The following CLASP2 variants were observed in gnomAD, a reference collection of about 807,000 sequenced individuals.
The protein encoded by CLASP2 is cytoplasmic linker associated protein 2, also known as CLIP-associating protein 2.
CLASP2 carries 47 observed loss-of-function variants against 194.4 expected under a neutral mutation model. The observed-to-expected ratio is 0.24, with a 90% confidence interval of 0.19 to 0.31. The LOEUF (loss-of-function observed/expected upper bound fraction) is 0.31, where lower values mean the gene tolerates loss of function less well. Among genes scored for constraint, CLASP2 ranks in the 10% least tolerant of loss-of-function variants. The probability of loss-of-function intolerance (pLI) is 1.00; values close to 1 mark genes in which losing one functional copy is unlikely to be tolerated. For missense variants in CLASP2, 1,445 were observed against 1,823.6 expected (o/e 0.79, Z 3.78); for synonymous variants, 619 against 633.5 (o/e 0.98, Z 0.34).
At chr3:33,556,308 A>AT (rs1407220555) in intron 29 of CLASP2, among the ~76,000 whole-genome samples, 1 of 152,108 alleles carries the variant, frequency 6.6e-6, no homozygotes, top group Non-Finnish European at 1.5e-5. Context: ...AATCTGTTAA[A>AT]TTTTTTATAC....
rs1161980330 is a variant in CLASP2, at chr3:33,696,890, C to G, written c.239G>C (p.Arg80Thr). Reference sequence around the variant, plus strand: ...ATAGGATTTAAAGCGTGTTGATAATCTGTCCACAAAGGCACTTAAAATTTC... The same window carrying G: ...ATAGGATTTAAAGCGTGTTGATAATGTGTCCACAAAGGCACTTAAAATTTC... ...GLEILSAFVD[R>T]LSTRFKSYVA... Residue 80 changes from arginine (R) to threonine (T), a missense_variant, in exon 2 of 39, where the codon AGA becomes ACA. By Grantham distance (71) the Arg-to-Thr change is moderately conservative (BLOSUM62 -1). Transcript: ENST00000682230. 2 of 1,597,090 alleles carry G rather than the reference C, an allele frequency of 1.3e-6. No individual in the cohort carries two copies. Among genetic ancestry groups the G allele is most frequent in the African/African-American group, 2.7e-5 (2 of 74,622 alleles).
intron 1 of CLASP2, among the ~76,000 whole-genome samples, chr3:33,707,846 TGAGGGGGAAA>T (rs1559700055): frequency 6.6e-6 from 1 of 152,172 alleles, no homozygotes; most frequent in East Asian, 1.9e-4. Flanking sequence ...AAATAGAGAC[TGAGGGGGAAA>T]CATTAAAAGA....
At chr3:33,717,420 T>C (rs2093348012) in intron 1 of CLASP2, among the ~76,000 whole-genome samples, 1 of 151,870 alleles carries the variant, frequency 6.6e-6, no homozygotes, top group Non-Finnish European at 1.5e-5. Flanking sequence ...GTTTCCCCTA[T>C]TTTTATTTAT....
At chr3:33,613,414 G>A (rs1225668738) in intron 12 of CLASP2, among the ~76,000 whole-genome samples, 1 of 152,182 alleles carries the variant, frequency 6.6e-6, no homozygotes, top group Admixed American at 6.5e-5. Context: ...CCTTGGGAAA[G>A]GCAGCTCTCT....
chr3:33,531,144 A>C (rs2056200115), intron 34 of CLASP2, among the ~76,000 whole-genome samples: 1 of 152,198 alleles, frequency 6.6e-6, no homozygotes, highest in African/African-American at 2.4e-5. Context: ...ATAGAACAAG[A>C]ATAGAATATA....
intron 6 of CLASP2, among the ~76,000 whole-genome samples, chr3:33,674,963 A>G (rs2088219456): frequency 6.6e-6 from 1 of 152,148 alleles, no homozygotes; most frequent in Admixed American, 6.5e-5. Context: ...CCAACCAAAA[A>G]GGGTCCAGGA....
chr3:33,581,050 A>T (rs2066008969), intron 23 of CLASP2, among the ~76,000 whole-genome samples: 1 of 151,458 alleles, frequency 6.6e-6, no homozygotes, highest in South Asian at 2.1e-4. Context: ...GAAAAAAAAG[A>T]AAAAGAAGAA....
chr3:33,579,857 C>A (rs967653488), intron 23 of CLASP2, among the ~76,000 whole-genome samples: 3 of 152,106 alleles, frequency 2.0e-5, no homozygotes, highest in African/African-American at 7.2e-5. Flanking sequence ...ACCACACACC[C>A]AACTCCACTT....
intron 3 of CLASP2, 126 bp downstream of exon 3, chr3:33,689,703 T>C: frequency 1.7e-6 from 1 of 575,406 alleles, no homozygotes; most frequent in South Asian, 3.3e-5. Context: ...GTATCTTAAA[T>C]ATCAACTTCT....
chr3:33,598,610 A>G (rs1282589787), intron 18 of CLASP2, among the ~76,000 whole-genome samples: 4 of 152,120 alleles, frequency 2.6e-5, no homozygotes, highest in African/African-American at 9.7e-5. Context: ...AACTTCTCCA[A>G]TCTTATAAGA....
intron 37 of CLASP2, chr3:33,504,491 T>G (rs563740737): frequency 4.1e-4 from 62 of 152,302 alleles, no homozygotes; most frequent in African/African-American, 1.5e-3. Context: ...GCAGATTGAC[T>G]CTGAGCTGCG....
rs995092245 is a variant in CLASP2 at position 33,559,396 on chromosome 3, A to C, written c.2931-11T>G. 5 of 1,540,208 alleles carry C rather than the reference A, an allele frequency of 3.2e-6. No homozygotes were observed. The highest frequency in any genetic ancestry group is 3.5e-6 in the Non-Finnish European group (4 of 1,129,984). Reference sequence around the variant, plus strand: ...TTTGGAAAAGACTCTCTGAAACAAGAACAAAGCAAAACGAAACAAAAATTT... The same window carrying C: ...TTTGGAAAAGACTCTCTGAAACAAGCACAAAGCAAAACGAAACAAAAATTT... On this transcript the variant is annotated splice_polypyrimidine_tract_variant and intron_variant, in intron 28 of 38. Coordinates refer to ENST00000682230, the MANE Select transcript of CLASP2 (RefSeq NM_001365631.1).
chr3:33,672,886 T>G (rs1421892974), intron 6 of CLASP2, among the ~76,000 whole-genome samples: 2 of 151,950 alleles, frequency 1.3e-5, no homozygotes, highest in Non-Finnish European at 2.9e-5. Context: ...AAGGGAAGTT[T>G]AGAGAAAAAA....
At chr3:33,694,846 T>TGGGAGGA (rs1209360479) in intron 2 of CLASP2, among the ~76,000 whole-genome samples, 1 of 151,768 alleles carries the variant, frequency 6.6e-6, no homozygotes. Flanking sequence ...GAGGCTGAGG[T>TGGGAGGA]GGGAGGATCA....
chr3:33,709,697 T>G lies in CLASP2; in HGVS notation c.195+8111A>C, dbSNP rs576431842. ...TGCTGACACCTTGATTTTATCCCAATGAAACCCATTTTAGATTTTTGACCT... is the reference window on the plus strand; with the variant it reads ...TGCTGACACCTTGATTTTATCCCAAGGAAACCCATTTTAGATTTTTGACCT... On this transcript the variant is annotated intron_variant, in intron 1 of 38. Transcript: ENST00000682230. 4.6e-5 allele frequency among the ~76,000 whole-genome samples: 7 copies of G among 152,298 alleles called. No individual in the cohort carries two copies. The South Asian group carries it at 6.2e-4, about 14-fold the overall frequency.
intron 7 of CLASP2, among the ~76,000 whole-genome samples, chr3:33,657,223 CACT>C (rs1294614590): frequency 6.6e-6 from 1 of 151,968 alleles, no homozygotes; most frequent in Non-Finnish European, 1.5e-5. Flanking sequence ...AGTGTATGTG[CACT>C]GGATGTGACA....
At chr3:33,688,511 A>C in intron 3 of CLASP2, 143 bp from the exon 4 acceptor site, 1 of 631,336 alleles carries the variant, frequency 1.6e-6, no homozygotes, top group East Asian at 3.0e-5. Context: ...CACTACTTAC[A>C]AGTTTTTCTA....
intron 6 of CLASP2, among the ~76,000 whole-genome samples, chr3:33,663,772 T>C (rs2085705009): frequency 1.3e-5 from 2 of 152,124 alleles, no homozygotes; most frequent in Admixed American, 6.5e-5. Flanking sequence ...CACAAAGCAG[T>C]TTCTCATGTT....
rs147634106 is a variant in CLASP2, at chr3:33,678,732, G to A, written c.644+5627C>T. 6.6e-5 allele frequency among the ~76,000 whole-genome samples: 10 copies of A among 152,268 alleles called. No homozygotes were observed. The East Asian group carries it at 1.7e-3, about 26-fold the overall frequency. ...TAACGAAATAAGTGTAAGACTTTAC[G>A]AGGAAAAGTACAAAGCTCTGATGCA... On this transcript the variant is annotated intron_variant, in intron 6 of 38. Coordinates refer to ENST00000682230, the MANE Select transcript of CLASP2 (RefSeq NM_001365631.1).
Sources: gnomAD v4.1 joint callset for allele counts (sites outside exome capture counted in the v4.1 genomes callset) on GRCh38, gnomAD v4.1.1 for gene constraint, MANE v1.5 for transcripts, NCBI Gene and HGNC (gene_info 2026-07-23, HGNC 2026-07-21) for gene names.